The following ZSWIM7 variants were observed in gnomAD, a reference collection of about 807,000 sequenced individuals.
ZSWIM7 encodes zinc finger SWIM-type containing 7, also known as zinc finger SWIM domain-containing protein 7.
In ZSWIM7, 22 loss-of-function variants were observed where a neutral mutation model predicts 21.1. The ratio of observed to expected loss-of-function variants is 1.04; its 90% CI spans 0.74 to 1.49. ZSWIM7 has a LOEUF of 1.49. Among genes scored for constraint, ZSWIM7 ranks in the 40% most tolerant of loss-of-function variants. ZSWIM7 has a pLI of 0.00. For synonymous variants in ZSWIM7, 67 were observed against 66.5 expected, an observed-to-expected ratio of 1.01 and a Z score of -0.04; for missense variants, 193 against 168.0, an observed-to-expected ratio of 1.15 and a Z score of -0.82.
At chr17:15,988,415 A>G (rs1241215543) in intron 2 of ZSWIM7, among the ~76,000 whole-genome samples, 2 of 152,152 alleles carry the variant, frequency 1.3e-5, no homozygotes, top group Non-Finnish European at 2.9e-5. Flanking sequence ...ATAATATTCA[A>G]TTATCCCCAT....
At chr17:15,979,611 C>G (rs1257794569) in intron 4 of ZSWIM7, among the ~76,000 whole-genome samples, 1 of 141,924 alleles carries the variant, frequency 7.0e-6, no homozygotes, top group Non-Finnish European at 1.5e-5. Context: ...GCTGGCCAGG[C>G]GGGGGGCTGA....
intron 3 of ZSWIM7, among the ~76,000 whole-genome samples, chr17:15,982,867 G>A (rs1427185815): frequency 1.3e-5 from 2 of 152,046 alleles, no homozygotes; most frequent in East Asian, 3.9e-4. Context: ...TGTCCAGGCT[G>A]GTCTTTAACT....
chr17:15,997,544 T>C (rs1169070870), intron 1 of ZSWIM7, among the ~76,000 whole-genome samples: 1 of 152,248 alleles, frequency 6.6e-6, no homozygotes, highest in Non-Finnish European at 1.5e-5. Context: ...ATGGTTCCAC[T>C]GTGACTAGTT....
chr17:15,990,149 G>A (rs1480113080), intron 2 of ZSWIM7, among the ~76,000 whole-genome samples: 1 of 151,222 alleles, frequency 6.6e-6, no homozygotes, highest in African/African-American at 2.4e-5. Flanking sequence ...GAACCCGGGA[G>A]GCGGAGCTTG....
intron 1 of ZSWIM7, among the ~76,000 whole-genome samples, chr17:15,995,962 G>A (rs1327145620): frequency 6.6e-6 from 1 of 152,088 alleles, no homozygotes; most frequent in African/African-American, 2.4e-5. Flanking sequence ...ACAAAAATCA[G>A]GAGTAACACT....
chr17:15,999,527 C>A lies in ZSWIM7; in HGVS notation c.68G>T (p.Ser23Ile). The A allele has an allele frequency of 6.2e-7, 1 of 1,600,808 alleles. No individual in the cohort carries two copies. Among genetic ancestry groups the A allele is most frequent in the Non-Finnish European group, 8.5e-7 (1 of 1,177,818 alleles). ...LSEMAAAVQE[S>I]ARIPDEYLLS... ...CGACCTCGGTCCCGTACTTCGCGCG[C>A]TCTCCTGCACCGCCGCCGCCATCTC... Residue 23 changes from serine (S) to isoleucine (I), a missense_variant, in exon 1 of 5, where the codon AGC (serine) becomes ATC (isoleucine). Transcript: ENST00000399277.
At chr17:15,988,032 T>C (rs1223807049) in intron 2 of ZSWIM7, among the ~76,000 whole-genome samples, 1 of 152,222 alleles carries the variant, frequency 6.6e-6, no homozygotes, top group East Asian at 1.9e-4. Context: ...ATGCATTTGT[T>C]GGTTTCCTTC....
chr17:15,997,155 CA>C (rs61144764), intron 1 of ZSWIM7, among the ~76,000 whole-genome samples: 1,200 of 114,832 alleles, frequency 0.01, 20 homozygotes, highest in African/African-American at 0.025. Context: ...CAGACTGTCT[CA>C]AAAAAAAAAA....
chr17:15,979,739 C>T lies in ZSWIM7; in HGVS notation c.306+1301G>A, dbSNP rs1171782281. On this transcript the variant is annotated intron_variant, in intron 4 of 4. Transcript: ENST00000399277. ...GGGGCTCCTCACTTCCCAGTAGGGG[C>T]GGCTGGGCAGAGGCGCCCCTCACCT... is the stretch of plus-strand genomic sequence containing the variant. Among the ~76,000 whole-genome samples the T allele has an allele frequency of 3.8e-5, 5 of 133,012 alleles. No individual in the cohort carries two copies. In the East Asian group the frequency reaches 9.5e-4, roughly 25 times the overall value. 87.3% of individuals were successfully genotyped at this position (133,012 alleles called of 152,430 possible).
At chr17:15,990,321 T>G (rs1489438206) in intron 2 of ZSWIM7, among the ~76,000 whole-genome samples, 2 of 151,990 alleles carry the variant, frequency 1.3e-5, no homozygotes, top group Non-Finnish European at 2.9e-5. Context: ...CCAATAAAAG[T>G]TTTTTATAAG....
intron 3 of ZSWIM7, 52 bp from the exon 4 acceptor site, chr17:15,981,196 C>T (rs1223735894): frequency 1.5e-6 from 2 of 1,345,520 alleles, no homozygotes; most frequent in Non-Finnish European, 1.0e-6. Context: ...GGAAAAACCA[C>T]CTCTTTCCCT....
rs780902111 is a variant in ZSWIM7, at chr17:15,978,014, T to A, written c.*33A>T. 6.5e-7 allele frequency: 1 copy of A among 1,537,072 alleles called. No homozygotes were observed. The highest frequency in any genetic ancestry group is 9.0e-7 in the Non-Finnish European group (1 of 1,110,774). On this transcript the variant is annotated 3_prime_UTR_variant, in exon 5 of 5. Coordinates refer to ENST00000399277, the MANE Select transcript of ZSWIM7 (RefSeq NM_001042697.2). ...TTCAATGCATTTCTTGACAGGATTCTATTTTGAAAGAATGATGCTCAATCT... is the reference window on the plus strand; with the variant it reads ...TTCAATGCATTTCTTGACAGGATTCAATTTTGAAAGAATGATGCTCAATCT...
At chr17:15,995,558 G>A (rs548708561) in intron 1 of ZSWIM7, among the ~76,000 whole-genome samples, 74 of 146,536 alleles carry the variant, frequency 5.0e-4, no homozygotes, top group African/African-American at 1.7e-3. Context: ...CACTGTGGCC[G>A]GCAAGACCCT....
chr17:15,978,157 G>C lies in ZSWIM7; in HGVS notation c.313C>G (p.His105Asp). 6.2e-7 allele frequency: 1 copy of C among 1,613,052 alleles called. No homozygotes were observed. The highest frequency in any genetic ancestry group is 1.7e-5 in the Admixed American group (1 of 60,016). The change falls in exon 5 of 5, where the codon CAT becomes GAT. Residue 105 changes from histidine to aspartate, a missense_variant. Coordinates refer to ENST00000399277, the MANE Select transcript of ZSWIM7 (RefSeq NM_001042697.2). Reference sequence around the variant, plus strand: ...TGACTCAGGTAAACTGCCAAGAGATGCTTGCACTGGAATATAAAACACACA... The same window carrying C: ...TGACTCAGGTAAACTGCCAAGAGATCCTTGCACTGGAATATAAAACACACA... Reference protein sequence around the residue: ...LRKSDSILCKHLLAVYLSQVM... With the variant: ...LRKSDSILCKDLLAVYLSQVM...
At chr17:15,980,374 G>C (rs1242803370) in intron 4 of ZSWIM7, 1 of 152,224 alleles carries the variant, frequency 6.6e-6, no homozygotes, top group African/African-American at 2.4e-5. Flanking sequence ...GTGGCCTCTT[G>C]GACAATGCTA....
chr17:15,991,904 GT>G (rs1277836412), intron 2 of ZSWIM7, among the ~76,000 whole-genome samples: 456 of 90,684 alleles, frequency 5.0e-3, no homozygotes, highest in African/African-American at 7.8e-3. Context: ...GACAGGTTTT[GT>G]TTTTTTTTGT....
At chr17:15,999,302 G>A in intron 1 of ZSWIM7, 2 of 682,238 alleles carry the variant, frequency 2.9e-6, no homozygotes, top group Admixed American at 2.4e-5. Context: ...GCGCTGTACC[G>A]TAAATATTTG....
In ZSWIM7 at chr17:15,978,163, A is replaced by C; in HGVS notation, c.307T>G (p.Cys103Gly). Residue 103 changes from cysteine to glycine, a missense_variant and splice_region_variant, in exon 5 of 5, where the codon TGC becomes GGC. Coordinates refer to ENST00000399277, the MANE Select transcript of ZSWIM7 (RefSeq NM_001042697.2). ...AGGTAAACTGCCAAGAGATGCTTGC[A>C]CTGGAATATAAAACACACACACCTA... ...SVLRKSDSIL[C>G]KHLLAVYLSQ... The C allele has an allele frequency of 6.2e-7, 1 of 1,612,378 alleles. No homozygotes were observed. Among genetic ancestry groups the C allele is most frequent in the Non-Finnish European group, 8.5e-7 (1 of 1,178,438 alleles).
chr17:15,999,515 GTACTT>G lies in ZSWIM7; in HGVS notation c.75_76+3del. The G allele has an allele frequency of 6.3e-7, 1 of 1,599,152 alleles. No individual in the cohort carries two copies. The highest frequency in any genetic ancestry group is 8.5e-7 in the Non-Finnish European group (1 of 1,177,950). ...CGCAGCCACACACGACCTCGGTCCCGTACTTCGCGCGCTCTCCTGCACCGCCGCCG... is the reference window on the plus strand; with the variant it reads ...CGCAGCCACACACGACCTCGGTCCCGCGCGCGCTCTCCTGCACCGCCGCCG... On this transcript the variant is annotated splice_donor_variant and splice_donor_region_variant and coding_sequence_variant and intron_variant, in exon 1 of 5. Coordinates refer to ENST00000399277, the MANE Select transcript of ZSWIM7 (RefSeq NM_001042697.2). LOFTEE classifies it high-confidence loss of function.
Sources: allele counts gnomAD v4.1 joint callset (sites outside exome capture counted in the v4.1 genomes callset), GRCh38; gene constraint gnomAD v4.1.1; transcripts MANE v1.5; gene names NCBI Gene and HGNC (gene_info 2026-07-23, HGNC 2026-07-21).